The following TRPC6 variants were observed in gnomAD, a reference collection of about 807,000 sequenced individuals.
TRPC6 encodes short transient receptor potential channel 6.
TRPC6 carries 55 observed loss-of-function variants against 90.7 expected under a neutral mutation model. The ratio of observed to expected loss-of-function variants is 0.61; its 90% CI spans 0.49 to 0.76. The LOEUF (loss-of-function observed/expected upper bound fraction) is 0.76. TRPC6 is among the 30% of genes least tolerant of loss of function. TRPC6 has a pLI of 0.00. For missense variants in TRPC6, 989 were observed against 1,122.7 expected, an observed-to-expected ratio of 0.88 and a Z score of 1.70; for synonymous variants, 393 against 393.0, an observed-to-expected ratio of 1.00 and a Z score of 0.00.
chr11:101,514,608 A>G (rs1591102522), intron 1 of TRPC6, among the ~76,000 whole-genome samples: 1 of 152,334 alleles, frequency 6.6e-6, no homozygotes, highest in East Asian at 1.9e-4. Flanking sequence ...AAGGTCTAGC[A>G]CTCAGGTTTA....
At chr11:101,490,282 T>C (rs946184259) in intron 3 of TRPC6, among the ~76,000 whole-genome samples, 14 of 152,228 alleles carry the variant, frequency 9.2e-5, no homozygotes, top group African/African-American at 3.1e-4. Context: ...TTGACTGTTA[T>C]ATAAAGTTGT....
rs1469393672 is a variant in TRPC6 at position 101,558,202 on chromosome 11, T to TAC, written c.170+25131_170+25132insGT. Among the ~76,000 whole-genome samples the TAC allele has an allele frequency of 2.3e-4, 22 of 95,114 alleles. 4 individuals are homozygous for TAC. Among genetic ancestry groups the TAC allele is most frequent in the Non-Finnish European group, 4.0e-4 (21 of 51,966 alleles). The allele number at this position is 95,114 out of a possible 152,430, so 62.4% of individuals were successfully genotyped here. A position where few individuals can be genotyped will look rare whatever the true frequency, so the allele number is the denominator to read the frequency against. ...ATATATAAACATACATATATATGTGTGTGTATACATGTATATATGTATACA... is the reference window on the plus strand; with the variant it reads ...ATATATAAACATACATATATATGTGTACGTGTATACATGTATATATGTATACA... On this transcript the variant is annotated intron_variant, in intron 1 of 12. Coordinates refer to ENST00000344327, the MANE Select transcript of TRPC6 (RefSeq NM_004621.6).
chr11:101,574,868 C>G (rs545285788), intron 1 of TRPC6, among the ~76,000 whole-genome samples: 33 of 152,206 alleles, frequency 2.2e-4, no homozygotes, highest in South Asian at 8.3e-4. Flanking sequence ...ATTTTATTAG[C>G]GATTCCCATG....
In TRPC6 at chr11:101,535,171, AAAGAAAGGAAGGAAGG is replaced by A. The variant is rs1479574455; in HGVS notation, c.171-30389_171-30374del. On this transcript the variant is annotated intron_variant, in intron 1 of 12. Transcript: ENST00000344327. Reference sequence around the variant, plus strand: ...ACAGAGCAAGATTCTGTCAGAAAGAAAAGAAAGGAAGGAAGGAAGGAAGGAAGGAAGGAAGGAAGGA... The same window carrying A: ...ACAGAGCAAGATTCTGTCAGAAAGAAAAGGAAGGAAGGAAGGAAGGAAGGA... Among the ~76,000 whole-genome samples, 251 of 127,208 alleles carry A rather than the reference AAAGAAAGGAAGGAAGG, an allele frequency of 2.0e-3. 3 individuals are homozygous for A. Among genetic ancestry groups the A allele is most frequent in the East Asian group, 0.011 (46 of 4,130 alleles). 83.5% of individuals were successfully genotyped at this position (127,208 alleles called of 152,430 possible).
chr11:101,534,705 A>C (rs1860994036), intron 1 of TRPC6, among the ~76,000 whole-genome samples: 1 of 152,246 alleles, frequency 6.6e-6, no homozygotes, highest in African/African-American at 2.4e-5. Flanking sequence ...TGGTTCATTT[A>C]GCAAGAGATG....
At chr11:101,529,918 G>A (rs1036996948) in intron 1 of TRPC6, among the ~76,000 whole-genome samples, 3 of 152,206 alleles carry the variant, frequency 2.0e-5, no homozygotes, top group Non-Finnish European at 2.9e-5. Context: ...GTAAGCCATT[G>A]ATCAAAAATG....
At chr11:101,556,904 T>C (rs1249661788) in intron 1 of TRPC6, among the ~76,000 whole-genome samples, 1 of 152,152 alleles carries the variant, frequency 6.6e-6, no homozygotes, top group Non-Finnish European at 1.5e-5. Context: ...TGGCTCAACA[T>C]ACACAAATTA....
intron 12 of TRPC6, 48 bp downstream of exon 12, chr11:101,453,602 C>T (rs184848937): frequency 3.9e-6 from 6 of 1,557,104 alleles, no homozygotes; most frequent in East Asian, 4.5e-5. Context: ...GCTAGGCCCC[C>T]GTCCTGACTC....
chr11:101,471,052 T>A, intron 9 of TRPC6, 131 bp downstream of exon 9: 1 of 828,932 alleles, frequency 1.2e-6, no homozygotes, highest in Non-Finnish European at 2.0e-6. Context: ...GACTGTGCTG[T>A]GTGAAGTGAC....
At chr11:101,557,137 T>C (rs1318878801) in intron 1 of TRPC6, among the ~76,000 whole-genome samples, 1 of 151,942 alleles carries the variant, frequency 6.6e-6, no homozygotes, top group East Asian at 1.9e-4. Context: ...AGGCAGATCA[T>C]TGAGGCCAGG....
intron 1 of TRPC6, among the ~76,000 whole-genome samples, chr11:101,562,373 C>T (rs1160140657): frequency 6.6e-6 from 1 of 152,092 alleles, no homozygotes; most frequent in Non-Finnish European, 1.5e-5. Context: ...TGAATTTGGA[C>T]AGTCCTCAAA....
chr11:101,510,781 TGAGTA>T (rs1483607907), intron 1 of TRPC6, among the ~76,000 whole-genome samples: 1 of 152,124 alleles, frequency 6.6e-6, no homozygotes, highest in African/African-American at 2.4e-5. Context: ...AATTAGCTTC[TGAGTA>T]GAGTGGATTG....
At chr11:101,525,664 C>T (rs55790845) in intron 1 of TRPC6, among the ~76,000 whole-genome samples, 3,489 of 152,290 alleles carry the variant, frequency 0.023, 54 homozygotes, top group Non-Finnish European at 0.038. Flanking sequence ...TTTTGATACA[C>T]TTTGACAGTC....
intron 1 of TRPC6, among the ~76,000 whole-genome samples, chr11:101,541,174 G>T (rs1019999126): frequency 6.6e-6 from 1 of 152,140 alleles, no homozygotes; most frequent in African/African-American, 2.4e-5. Flanking sequence ...ATTAACCTTA[G>T]AAATAAGTCC....
At position 101,519,897 on chromosome 11, in the gene TRPC6, T is replaced by G. The variant is rs1480642171; in HGVS notation, c.171-15099A>C. The G allele has an allele frequency of 2.0e-5, 3 of 153,136 alleles. No homozygotes were observed. The Admixed American group carries it at 2.0e-4, about 10-fold the overall frequency. The allele number at this position is 153,136 out of a possible 1,614,324, so 9.5% of individuals were successfully genotyped here. On this transcript the variant is annotated intron_variant, in intron 1 of 12. Coordinates refer to ENST00000344327, the MANE Select transcript of TRPC6 (RefSeq NM_004621.6). ...TAATTCTCTTAACTCTCTGACTCCC[T>G]CACTCAGTCTCTCTGCTCCAGCCAC...
intron 1 of TRPC6, among the ~76,000 whole-genome samples, chr11:101,548,366 A>T (rs1861365323): frequency 7.0e-6 from 1 of 143,348 alleles, no homozygotes; most frequent in Admixed American, 7.2e-5. Flanking sequence ...ATTATATCTT[A>T]TAATTATAAT....
intron 11 of TRPC6, among the ~76,000 whole-genome samples, chr11:101,454,041 G>A (rs914024641): frequency 1.3e-5 from 2 of 152,024 alleles, no homozygotes; most frequent in Non-Finnish European, 2.9e-5. Flanking sequence ...TCTTTCAGTG[G>A]GGTAGGTAAA....
chr11:101,504,850 G>A, intron 1 of TRPC6, 52 bp from the exon 2 acceptor site: 4 of 1,595,006 alleles, frequency 2.5e-6, no homozygotes, highest in Non-Finnish European at 3.4e-6. Flanking sequence ...GCATTTTAGT[G>A]TGCCAAATGA....
intron 2 of TRPC6, among the ~76,000 whole-genome samples, chr11:101,500,226 T>TTTG (rs1860083675): frequency 6.7e-6 from 1 of 150,036 alleles, no homozygotes; most frequent in African/African-American, 2.4e-5. Context: ...TTTTTTTTTT[T>TTTG]GAGACGGAGT....
Sources: allele counts gnomAD v4.1 joint callset (sites outside exome capture counted in the v4.1 genomes callset), GRCh38; gene constraint gnomAD v4.1.1; transcripts MANE v1.5; gene names NCBI Gene and HGNC (gene_info 2026-07-23, HGNC 2026-07-21).